The following BLNK variants were observed in gnomAD, a reference collection of about 807,000 sequenced individuals.
BLNK encodes the protein B cell linker.
In BLNK, 29 loss-of-function variants were observed where a neutral mutation model predicts 73.5. That is an observed-to-expected ratio of 0.39 (90% confidence interval 0.29 to 0.54). BLNK has a LOEUF of 0.54. Among genes scored for constraint, BLNK ranks in the 20% least tolerant of loss-of-function variants. BLNK has a pLI of 0.61. For synonymous variants in BLNK, 176 were observed against 200.8 expected, an observed-to-expected ratio of 0.88 and a Z score of 1.04; for missense variants, 460 against 562.8, an observed-to-expected ratio of 0.82 and a Z score of 1.85.
At chr10:96,243,504 G>A (rs1041267141) in intron 2 of BLNK, among the ~76,000 whole-genome samples, 3 of 152,098 alleles carry the variant, frequency 2.0e-5, no homozygotes, top group Non-Finnish European at 2.9e-5. Flanking sequence ...CCATGATCAC[G>A]CCCCTGTACT....
At chr10:96,266,295 A>T (rs1843998310) in intron 1 of BLNK, among the ~76,000 whole-genome samples, 2 of 152,146 alleles carry the variant, frequency 1.3e-5, no homozygotes, top group African/African-American at 4.8e-5. Flanking sequence ...AATAACTGTG[A>T]TTTGGTCCTT....
Position 96,230,978 on chromosome 10 carries a change from A to G in BLNK, c.164-144T>C, listed in dbSNP as rs1842478974. On this transcript the variant is annotated intron_variant, in intron 3 of 16. Coordinates refer to ENST00000224337, the MANE Select transcript of BLNK (RefSeq NM_013314.4). Reference sequence around the variant, plus strand: ...ACTTGACCTTGGGTTAGTTACTACAATCATATGTTCACTTGCTTTTGACTT... The same window carrying G: ...ACTTGACCTTGGGTTAGTTACTACAGTCATATGTTCACTTGCTTTTGACTT... The G allele has an allele frequency of 5.2e-6, 4 of 765,024 alleles. No individual in the cohort carries two copies. The East Asian group carries it at 1.1e-4, about 21-fold the overall frequency. 47.4% of individuals were successfully genotyped at this position (765,024 alleles called of 1,614,324 possible).
chr10:96,254,507 TTTGTTTTGTTTTG>T (rs1327835851), intron 1 of BLNK, among the ~76,000 whole-genome samples: 3 of 150,102 alleles, frequency 2.0e-5, no homozygotes, highest in African/African-American at 2.5e-5. Flanking sequence ...GAGTTTTTTT[TTTGTTTTGTTTTG>T]TTTTTTTGAG....
intron 11 of BLNK, 46 bp from the exon 12 acceptor site, chr10:96,204,662 T>C: frequency 1.3e-6 from 2 of 1,591,266 alleles, no homozygotes; most frequent in East Asian, 2.2e-5. Flanking sequence ...GAAATGTCTG[T>C]CCTCATCCCA....
In BLNK at chr10:96,207,418, T is replaced by C. The variant is rs1408661940; in HGVS notation, c.775-365A>G. On this transcript the variant is annotated intron_variant, in intron 10 of 16. Transcript: ENST00000224337. ...CCCCTTCTGTGTGTTTGCTAAATGATTGTAAATGTCAGGCTTCACAGTAGG... is the reference window on the plus strand; with the variant it reads ...CCCCTTCTGTGTGTTTGCTAAATGACTGTAAATGTCAGGCTTCACAGTAGG... Among the ~76,000 whole-genome samples, 6 of 152,320 alleles carry C rather than the reference T, an allele frequency of 3.9e-5. No homozygotes were observed. In the East Asian group the frequency reaches 9.6e-4, roughly 24 times the overall value.
At position 96,189,654 on chromosome 10, in the gene BLNK, A is replaced by G; in HGVS notation, c.*2319T>C. The G allele has an allele frequency of 1.4e-6, 1 of 716,228 alleles. No homozygotes were observed. Among genetic ancestry groups the G allele is most frequent in the South Asian group, 1.4e-5 (1 of 73,334 alleles). 44.4% of individuals were successfully genotyped at this position (716,228 alleles called of 1,614,324 possible). On this transcript the variant is annotated 3_prime_UTR_variant, in exon 17 of 17. Transcript: ENST00000224337. ...TTGTGCATTTTTGGCTGGAGTATGT[A>G]GATTTCTTCAATGGTGCTTTTTCTT...
chr10:96,248,177 G>T (rs9663433), intron 1 of BLNK, among the ~76,000 whole-genome samples: 1 of 151,616 alleles, frequency 6.6e-6, no homozygotes, highest in Non-Finnish European at 1.5e-5. Context: ...ATAATAATAA[G>T]AACTACATAT....
intron 8 of BLNK, among the ~76,000 whole-genome samples, chr10:96,212,589 C>G (rs187605021): frequency 6.6e-6 from 1 of 152,136 alleles, no homozygotes; most frequent in African/African-American, 2.4e-5. Flanking sequence ...TCAAGCACAG[C>G]GGGGACGGCA....
chr10:96,264,658 AC>A (rs1554913788), intron 1 of BLNK, among the ~76,000 whole-genome samples: 2 of 152,116 alleles, frequency 1.3e-5, no homozygotes, highest in Non-Finnish European at 1.5e-5. Context: ...AAAAGATTGA[AC>A]CCTTAAAGCC....
At position 96,261,935 on chromosome 10, in the gene BLNK, G is replaced by A. The variant is rs117799066; in HGVS notation, c.47+9417C>T. 3.2e-3 allele frequency among the ~76,000 whole-genome samples: 494 copies of A among 152,252 alleles called. 3 individuals are homozygous for A. The highest frequency in any genetic ancestry group is 6.8e-3 in the Middle Eastern group (2 of 294). On this transcript the variant is annotated intron_variant, in intron 1 of 16. Transcript: ENST00000224337. ...AATGAAGGGGTAAAAAATGGAATGG[G>A]GCTGGGGGTCATTTCACTCTAGGTA...
At chr10:96,201,156 C>A in intron 13 of BLNK, 98 bp from the exon 14 acceptor site, 17 of 1,087,302 alleles carry the variant, frequency 1.6e-5, no homozygotes, top group Middle Eastern at 2.1e-4. Flanking sequence ...GCCAGGGACA[C>A]ATCCACCAAA....
At chr10:96,226,946 C>T (rs587696229) in intron 5 of BLNK, among the ~76,000 whole-genome samples, 11 of 152,128 alleles carry the variant, frequency 7.2e-5, no homozygotes, top group Admixed American at 2.0e-4. Flanking sequence ...CTGGTAAAAC[C>T]GCATAGTCTG....
chr10:96,259,388 G>C (rs953797319), intron 1 of BLNK, among the ~76,000 whole-genome samples: 24 of 152,192 alleles, frequency 1.6e-4, no homozygotes, highest in African/African-American at 5.8e-4. Context: ...GGAAGGAGAG[G>C]GGGTAAGGCA....
chr10:96,211,945 G>C (rs1393912490), intron 8 of BLNK, among the ~76,000 whole-genome samples: 9 of 152,086 alleles, frequency 5.9e-5, no homozygotes, highest in African/African-American at 2.2e-4. Flanking sequence ...GTAGAAAGAA[G>C]GTCTAAGTCT....
At chr10:96,224,267 C>T (rs1554901943) in intron 5 of BLNK, among the ~76,000 whole-genome samples, 1 of 152,202 alleles carries the variant, frequency 6.6e-6, no homozygotes, top group Non-Finnish European at 1.5e-5. Context: ...CAACCCAACA[C>T]TTGGCCACAC....
chr10:96,266,177 A>C lies in BLNK; in HGVS notation c.47+5175T>G, dbSNP rs371606013. Among the ~76,000 whole-genome samples, 5 of 152,388 alleles carry C rather than the reference A, an allele frequency of 3.3e-5. No homozygotes were observed. In the South Asian group the frequency reaches 1.0e-3, roughly 32 times the overall value. On this transcript the variant is annotated intron_variant, in intron 1 of 16. Transcript: ENST00000224337. ...AATTCTCCCAAGAACAGATGGGGTT[A>C]AATCACCTGTAGGGAGAAAACAAGA... is the stretch of plus-strand genomic sequence containing the variant.
chr10:96,270,424 C>T (rs1239947364), intron 1 of BLNK, among the ~76,000 whole-genome samples: 3 of 152,100 alleles, frequency 2.0e-5, no homozygotes, highest in African/African-American at 7.2e-5. Context: ...ATAGAAAACA[C>T]TCCCTGAACA....
chr10:96,211,796 G>A (rs2083954992), intron 8 of BLNK, among the ~76,000 whole-genome samples: 1 of 152,216 alleles, frequency 6.6e-6, no homozygotes, highest in South Asian at 2.1e-4. Flanking sequence ...ATGTGTAGTA[G>A]GAGTCTCCCT....
chr10:96,242,677 G>A (rs897297904), intron 3 of BLNK, 58 bp downstream of exon 3: 1 of 1,476,480 alleles, frequency 6.8e-7, no homozygotes, highest in African/African-American at 1.4e-5. Flanking sequence ...AAGCCTAAAT[G>A]TAAATATGAA....
Sources: gnomAD v4.1 joint callset for allele counts (sites outside exome capture counted in the v4.1 genomes callset) on GRCh38, gnomAD v4.1.1 for gene constraint, MANE v1.5 for transcripts, NCBI Gene and HGNC (gene_info 2026-07-23, HGNC 2026-07-21) for gene names.